Variants in NCKAP5 observed in about 807,000 individuals in gnomAD.
NCKAP5 encodes nck-associated protein 5.
A neutral mutation model predicts 167.0 loss-of-function variants in NCKAP5; 92 were observed. The observed-to-expected ratio is 0.55, with a 90% CI of 0.47 to 0.66. The LOEUF (loss-of-function observed/expected upper bound fraction) is 0.66, where lower values mean the gene tolerates loss of function less well. Ranked by LOEUF, NCKAP5 falls within the 30% of genes least tolerant of loss-of-function variation. NCKAP5 has a pLI of 0.00. For synonymous variants in NCKAP5, 891 were observed against 877.4 expected, an observed-to-expected ratio of 1.02 and a Z score of -0.27; for missense variants, 2,378 against 2,315.0, an observed-to-expected ratio of 1.03 and a Z score of -0.56.
chr2:132,918,485 T>A (rs889306487), intron 8 of NCKAP5, among the ~76,000 whole-genome samples: 3 of 142,192 alleles, frequency 2.1e-5, no homozygotes, highest in Non-Finnish European at 4.4e-5. Flanking sequence ...ATTTTGTAAT[T>A]TTTTTTTATA....
Position 132,731,727 on chromosome 2 carries a change from G to A in NCKAP5, c.5443+10C>T. 1.3e-6 allele frequency: 2 copies of A among 1,559,928 alleles called. No homozygotes were observed. Among genetic ancestry groups the A allele is most frequent in the Non-Finnish European group, 1.7e-6 (2 of 1,150,276 alleles). On this transcript the variant is annotated intron_variant, in intron 17 of 19. Coordinates refer to ENST00000409261, the MANE Select transcript of NCKAP5 (RefSeq NM_207363.3). ...AATGTCTTATTAAGGGTGGGAAATT[G>A]GCATTTTACCTGAGGAAGCTGGTTT... is the stretch of plus-strand genomic sequence containing the variant.
intron 2 of NCKAP5, among the ~76,000 whole-genome samples, chr2:133,552,765 A>G (rs1467470017): frequency 6.6e-6 from 1 of 152,076 alleles, no homozygotes; most frequent in Non-Finnish European, 1.5e-5. Flanking sequence ...AGAAAAAGAA[A>G]AAAAAAAGAT....
At chr2:133,627,383 C>T in the NCKAP5 span, among the ~76,000 whole-genome samples, 1 of 152,062 alleles carries the variant, frequency 6.6e-6, no homozygotes, top group Non-Finnish European at 1.5e-5. Flanking sequence ...ATATTTAAAA[C>T]TTATGTTGAT....
rs143563552 is a variant in NCKAP5 at position 133,389,588 on chromosome 2, C to G, written c.70-86478G>C. ...CTTGCTCTATATCATAGTCTTGAAG[C>G]AATTTCTGACATCCAAAGCTGATAA... On this transcript the variant is annotated intron_variant, in intron 3 of 19. Coordinates refer to ENST00000409261, the MANE Select transcript of NCKAP5 (RefSeq NM_207363.3). Among the ~76,000 whole-genome samples the G allele has an allele frequency of 6.2e-3, 946 of 152,300 alleles. 4 individuals carry two copies. The highest frequency in any genetic ancestry group is 0.01 in the Non-Finnish European group (694 of 68,020).
chr2:133,541,229 T>C (rs1686206327), intron 2 of NCKAP5, among the ~76,000 whole-genome samples: 1 of 151,740 alleles, frequency 6.6e-6, no homozygotes, highest in Non-Finnish European at 1.5e-5. Flanking sequence ...CATGAATTTT[T>C]GTCTCATTGT....
intron 8 of NCKAP5, among the ~76,000 whole-genome samples, chr2:132,909,824 G>A (rs1694302978): frequency 6.6e-6 from 1 of 152,202 alleles, no homozygotes; most frequent in Non-Finnish European, 1.5e-5. Flanking sequence ...TCTCCAAGTG[G>A]TTGAGAAATC....
intron 3 of NCKAP5, among the ~76,000 whole-genome samples, chr2:133,424,730 C>T (rs372905693): frequency 4.5e-4 from 69 of 152,220 alleles, no homozygotes; most frequent in African/African-American, 1.5e-3. Context: ...TAGAAGTAGA[C>T]GAACCTGGTT....
intron 11 of NCKAP5, among the ~76,000 whole-genome samples, chr2:132,819,512 C>T (rs1285248061): frequency 1.3e-5 from 2 of 152,168 alleles, no homozygotes; most frequent in Non-Finnish European, 2.9e-5. Flanking sequence ...CTAACTCTCA[C>T]CCTTTGCCTG....
At chr2:132,686,512 G>A (rs556751128) in intron 19 of NCKAP5, among the ~76,000 whole-genome samples, 61 of 152,270 alleles carry the variant, frequency 4.0e-4, no homozygotes, top group Non-Finnish European at 6.8e-4. Flanking sequence ...AGTCTCCCTT[G>A]TAGGGACTGA....
At chr2:133,649,742 A>G in the NCKAP5 span, among the ~76,000 whole-genome samples, 7 of 152,190 alleles carry the variant, frequency 4.6e-5, no homozygotes, top group Non-Finnish European at 8.8e-5. Context: ...TCACCTCAAC[A>G]TAATAAAGAA....
At chr2:133,534,326 C>T (rs1000432013) in intron 2 of NCKAP5, among the ~76,000 whole-genome samples, 1 of 152,134 alleles carries the variant, frequency 6.6e-6, no homozygotes, top group East Asian at 1.9e-4. Context: ...TAATTTACAG[C>T]TTTATTGAGG....
chr2:132,838,600 C>A (rs1688072106), intron 11 of NCKAP5, among the ~76,000 whole-genome samples: 1 of 152,098 alleles, frequency 6.6e-6, no homozygotes, highest in Admixed American at 6.6e-5. Context: ...CCACTGCACT[C>A]CAGGCTGGGC....
intron 11 of NCKAP5, among the ~76,000 whole-genome samples, chr2:132,800,930 C>T (rs751879536): frequency 3.3e-5 from 5 of 152,200 alleles, no homozygotes; most frequent in Admixed American, 6.5e-5. Flanking sequence ...CACGAAACCT[C>T]GGGAACCTTG....
chr2:133,249,707 G>A lies in NCKAP5; in HGVS notation c.144-35928C>T, dbSNP rs191079377. Among the ~76,000 whole-genome samples the A allele has an allele frequency of 9.2e-5, 14 of 152,222 alleles. No homozygotes were observed. In the East Asian group the frequency reaches 2.1e-3, roughly 23 times the overall value. ...ACACAGATTCAAGCTCTATGTCTAC[G>A]AAGCTGACAATCTGACAATAAATTC... On this transcript the variant is annotated intron_variant, in intron 4 of 19. Coordinates refer to ENST00000409261, the MANE Select transcript of NCKAP5 (RefSeq NM_207363.3).
intron 2 of NCKAP5, among the ~76,000 whole-genome samples, chr2:133,521,516 G>A (rs754874400): frequency 1.3e-5 from 2 of 152,198 alleles, no homozygotes; most frequent in African/African-American, 4.8e-5. Context: ...CACAACAGAC[G>A]TTTATTTTCT....
intron 4 of NCKAP5, among the ~76,000 whole-genome samples, chr2:133,216,952 T>A (rs2086454743): frequency 6.6e-6 from 1 of 152,080 alleles, no homozygotes; most frequent in Non-Finnish European, 1.5e-5. Flanking sequence ...CATGTATTTT[T>A]AAAAACCAAC....
At chr2:132,814,945 G>A (rs1347318600) in intron 11 of NCKAP5, among the ~76,000 whole-genome samples, 1 of 152,194 alleles carries the variant, frequency 6.6e-6, no homozygotes, top group African/African-American at 2.4e-5. Flanking sequence ...ATGTGAATCT[G>A]TGAAGCAGGC....
Position 132,910,940 on chromosome 2 carries a change from T to A in NCKAP5, c.580-32024A>T, listed in dbSNP as rs549389954. Reference sequence around the variant, plus strand: ...TAAGCATCAGTACTCATAGGCCCAGTTAGTTACTTACAACATGGCCGTTTT... The same window carrying A: ...TAAGCATCAGTACTCATAGGCCCAGATAGTTACTTACAACATGGCCGTTTT... On this transcript the variant is annotated intron_variant, in intron 8 of 19. Transcript: ENST00000409261. 2.6e-5 allele frequency among the ~76,000 whole-genome samples: 4 copies of A among 152,304 alleles called. No individual in the cohort carries two copies. The East Asian group carries it at 7.7e-4, about 29-fold the overall frequency.
intron 2 of NCKAP5, among the ~76,000 whole-genome samples, chr2:133,522,360 G>T (rs944901248): frequency 6.6e-6 from 1 of 152,076 alleles, no homozygotes; most frequent in Non-Finnish European, 1.5e-5. Flanking sequence ...AACATCTACA[G>T]TAATTTCCTT....
Sources: allele counts gnomAD v4.1 joint callset (sites outside exome capture counted in the v4.1 genomes callset), GRCh38; gene constraint gnomAD v4.1.1; transcripts MANE v1.5; gene names NCBI Gene and HGNC (gene_info 2026-07-23, HGNC 2026-07-21).